The following PRR11 variants were observed in gnomAD, a reference collection of about 807,000 sequenced individuals.
PRR11 encodes the protein proline-rich protein 11.
Under a neutral mutation model 45.6 loss-of-function variants are expected in PRR11, and 30 were observed. The ratio of observed to expected loss-of-function variants is 0.66; its 90% CI spans 0.49 to 0.89. The LOEUF is 0.89. Among genes scored for constraint, PRR11 ranks in the 40% least tolerant of loss-of-function variants. PRR11 has a pLI of 0.00. For synonymous variants in PRR11, 128 were observed against 153.5 expected (o/e 0.83, Z 1.23); for missense variants, 373 against 424.8 (o/e 0.88, Z 1.07).
At chr17:59,198,322 A>AT (rs1416223209) in intron 9 of PRR11, among the ~76,000 whole-genome samples, 5 of 151,908 alleles carry the variant, frequency 3.3e-5, no homozygotes, top group Admixed American at 1.3e-4. Flanking sequence ...GGCAGATCAC[A>AT]TGAGGCCAGG....
chr17:59,157,075 G>T (rs1160924050), intron 1 of PRR11, among the ~76,000 whole-genome samples: 2 of 152,098 alleles, frequency 1.3e-5, no homozygotes, highest in Non-Finnish European at 2.9e-5. Flanking sequence ...ATGAAGATGT[G>T]GTATGATATG....
chr17:59,162,816 C>T (rs1270468760), intron 1 of PRR11, among the ~76,000 whole-genome samples: 8 of 150,664 alleles, frequency 5.3e-5, no homozygotes, highest in Admixed American at 2.6e-4. Context: ...GCAACCTCCA[C>T]CTCCTGGGTT....
rs367821546 is a variant in PRR11 at position 59,201,432 on chromosome 17, T to C, written c.1015-131T>C. 199 of 858,242 alleles carry C rather than the reference T, an allele frequency of 2.3e-4. No individual in the cohort carries two copies. The African/African-American group carries it at 3.0e-3, about 13-fold the overall frequency. 53.2% of individuals were successfully genotyped at this position (858,242 alleles called of 1,614,324 possible). On this transcript the variant is annotated intron_variant, in intron 9 of 9. Coordinates refer to ENST00000262293, the MANE Select transcript of PRR11 (RefSeq NM_018304.4). ...GAACTTCTGATTGCATCAGGGAAAC[T>C]GGGAAAAGTGGTTTTTACAATCTGA... is the stretch of plus-strand genomic sequence containing the variant.
rs2046851037 is a variant in PRR11 at position 59,193,750 on chromosome 17, G to A, written c.645+16G>A. ...AGCACTTCAGGTAGGTAACAATCTA[G>A]TAATGATATGTTTTGATATGTTTTG... On this transcript the variant is annotated intron_variant, in intron 5 of 9. Transcript: ENST00000262293. 6.2e-7 allele frequency: 1 copy of A among 1,611,112 alleles called. No individual in the cohort carries two copies. The highest frequency in any genetic ancestry group is 8.5e-7 in the Non-Finnish European group (1 of 1,177,624).
intron 2 of PRR11, chr17:59,174,926 CCCACCTCCT>C (rs2046735061): frequency 9.5e-7 from 1 of 1,049,202 alleles, no homozygotes. Flanking sequence ...CTGATTCCTC[CCCACCTCCT>C]CCACCTACCC....
At chr17:59,175,948 CCCTG>C (rs1218966476) in intron 2 of PRR11, among the ~76,000 whole-genome samples, 3 of 152,146 alleles carry the variant, frequency 2.0e-5, no homozygotes, top group African/African-American at 4.8e-5. Context: ...TGTGCCAAGA[CCCTG>C]CCTTCTACAG....
intron 2 of PRR11, among the ~76,000 whole-genome samples, chr17:59,180,032 C>A (rs1273205306): frequency 6.6e-6 from 1 of 152,040 alleles, no homozygotes; most frequent in East Asian, 1.9e-4. Flanking sequence ...TGCTGAACCC[C>A]ATGAGCCGCT....
At chr17:59,195,537 G>A (rs1448724204) in intron 7 of PRR11, 94 bp downstream of exon 7, 5 of 789,270 alleles carry the variant, frequency 6.3e-6, no homozygotes, top group Non-Finnish European at 9.9e-6. Flanking sequence ...GATTTTTTGT[G>A]TGTATTTCTA....
At chr17:59,195,957 G>A (rs2147855361) in intron 7 of PRR11, among the ~76,000 whole-genome samples, 1 of 151,920 alleles carries the variant, frequency 6.6e-6, no homozygotes, top group East Asian at 1.9e-4. Flanking sequence ...ATGCAGTGGT[G>A]TGTGCCTGTA....
In PRR11 at chr17:59,193,684, C is replaced by T; in HGVS notation, c.595C>T (p.Pro199Ser). 2 of 1,614,066 alleles carry T rather than the reference C, an allele frequency of 1.2e-6. No individual in the cohort carries two copies. Among genetic ancestry groups the T allele is most frequent in the East Asian group, 4.5e-5 (2 of 44,882 alleles). ...TCCACCTCTGCCACCTCCTCCACCACCACTAGCACCTGTGTTGCTCAGAAA... is the reference window on the plus strand; with the variant it reads ...TCCACCTCTGCCACCTCCTCCACCATCACTAGCACCTGTGTTGCTCAGAAA... ...PPPPLPPPPP[P>S]LAPVLLRKPS... The change falls in exon 5 of 10, where the codon CCA becomes TCA. Residue 199 changes from proline (P) to serine (S), a missense_variant. Coordinates refer to ENST00000262293, the MANE Select transcript of PRR11 (RefSeq NM_018304.4).
chr17:59,199,465 G>A (rs574419147), intron 9 of PRR11, among the ~76,000 whole-genome samples: 1 of 152,290 alleles, frequency 6.6e-6, no homozygotes, highest in South Asian at 2.1e-4. Flanking sequence ...GGTCTTGAGA[G>A]CTTTCTTTGT....
At chr17:59,186,946 A>C (rs929371186) in intron 4 of PRR11, among the ~76,000 whole-genome samples, 10 of 152,164 alleles carry the variant, frequency 6.6e-5, no homozygotes, top group Admixed American at 5.9e-4. Context: ...CCAGCTACTC[A>C]AGAAACTGAA....
rs1491476059 is a variant in PRR11 at position 59,180,517 on chromosome 17, TTG to T, written c.129-4535_129-4534del. On this transcript the variant is annotated intron_variant, in intron 2 of 9. Transcript: ENST00000262293. The stretch of plus-strand genomic sequence containing the variant: ...CCTTGTTTTTTTTTTTTTGTTTTTT[TTG>T]TTTTTTTTGCCACAGGGTCTCAGTC... 2.6e-4 allele frequency among the ~76,000 whole-genome samples: 33 copies of T among 128,808 alleles called. 2 individuals are homozygous for T. Among genetic ancestry groups the T allele is most frequent in the African/African-American group, 9.9e-4 (30 of 30,406 alleles). The allele number at this position is 128,808 out of a possible 152,430, so 84.5% of individuals were successfully genotyped here. A position where few individuals can be genotyped will look rare whatever the true frequency, so the allele number is the denominator to read the frequency against.
At chr17:59,159,465 C>T (rs2046641249) in intron 1 of PRR11, among the ~76,000 whole-genome samples, 1 of 152,182 alleles carries the variant, frequency 6.6e-6, no homozygotes, top group Non-Finnish European at 1.5e-5. Context: ...AGGTCCTCAT[C>T]CCCTAGACAG....
Position 59,197,758 on chromosome 17 carries a change from T to C in PRR11, c.983T>C (p.Val328Ala). The C allele has an allele frequency of 6.2e-7, 1 of 1,613,814 alleles. No homozygotes were observed. Among genetic ancestry groups the C allele is most frequent in the Non-Finnish European group, 8.5e-7 (1 of 1,179,960 alleles). Residue 328 changes from valine to alanine, a missense_variant, in exon 9 of 10, where the codon GTG (valine) becomes GCG (alanine). Transcript: ENST00000262293. Reference protein sequence around the residue: ...NMETGTGLTPVMTQALRRKFQ... With the variant: ...NMETGTGLTPAMTQALRRKFQ... ...GAAACAGGAACAGGACTGACTCCAG[T>C]GATGACGCAGGCCTTAAGGAGAAAG... is the stretch of plus-strand genomic sequence containing the variant.
At chr17:59,176,361 G>T (rs537405464) in intron 2 of PRR11, among the ~76,000 whole-genome samples, 2 of 152,158 alleles carry the variant, frequency 1.3e-5, no homozygotes, top group Non-Finnish European at 2.9e-5. Flanking sequence ...TTGTGCTTTG[G>T]AAAGACGCTC....
rs910186623 is a variant in PRR11 at position 59,197,468 on chromosome 17, G to T, written c.858-76G>T. Reference sequence around the variant, plus strand: ...AGGTTTCACCGTGTTAGCAAGGATGGTCTTGATCTCCTGACCTTGTGATCC... The same window carrying T: ...AGGTTTCACCGTGTTAGCAAGGATGTTCTTGATCTCCTGACCTTGTGATCC... On this transcript the variant is annotated intron_variant, in intron 7 of 9. Transcript: ENST00000262293. The T allele has an allele frequency of 6.8e-6, 9 of 1,318,298 alleles. No homozygotes were observed. The Admixed American group carries it at 1.2e-4, about 18-fold the overall frequency. The allele number at this position is 1,318,298 out of a possible 1,614,324, so 81.7% of individuals were successfully genotyped here. A position where few individuals can be genotyped will look rare whatever the true frequency, so the allele number is the denominator to read the frequency against.
chr17:59,191,279 C>T (rs139097254), intron 4 of PRR11, among the ~76,000 whole-genome samples: 109 of 147,910 alleles, frequency 7.4e-4, no homozygotes, highest in African/African-American at 2.1e-3. Flanking sequence ...AGTGCAGTGG[C>T]GCAATCTCAG....
chr17:59,181,506 C>T lies in PRR11; in HGVS notation c.129-3548C>T, dbSNP rs540690565. On this transcript the variant is annotated intron_variant, in intron 2 of 9. Transcript: ENST00000262293. ...TTGGAGGTGCTCTCTGGGGTGTCCT[C>T]CTACCAAGCAGCCTGTTGAAGTCCT... The T allele has an allele frequency of 3.7e-5, 43 of 1,151,914 alleles. No homozygotes were observed. The South Asian group carries it at 5.1e-4, about 14-fold the overall frequency. 71.4% of individuals were successfully genotyped at this position (1,151,914 alleles called of 1,614,324 possible). A position where few individuals can be genotyped will look rare whatever the true frequency, so the allele number is the denominator to read the frequency against.
Sources: gnomAD v4.1 joint callset for allele counts (sites outside exome capture counted in the v4.1 genomes callset) on GRCh38, gnomAD v4.1.1 for gene constraint, MANE v1.5 for transcripts, NCBI Gene and HGNC (gene_info 2026-07-23, HGNC 2026-07-21) for gene names.